The following HEPHL1 variants were observed in gnomAD, a reference collection of about 807,000 sequenced individuals.
HEPHL1 encodes hephaestin like 1.
HEPHL1 carries 123 observed loss-of-function variants against 122.0 expected under a neutral mutation model. The observed-to-expected ratio is 1.01, with a 90% confidence interval of 0.87 to 1.17. The LOEUF (loss-of-function observed/expected upper bound fraction) is 1.17. Ranked by LOEUF, HEPHL1 falls within the 50% of genes most tolerant of loss-of-function variation. HEPHL1 has a pLI of 0.00. For missense variants in HEPHL1, 1,452 were observed against 1,430.5 expected (o/e 1.01, Z -0.24); for synonymous variants, 527 against 508.9 (o/e 1.04, Z -0.48).
intron 1 of HEPHL1, among the ~76,000 whole-genome samples, chr11:94,031,252 C>T (rs1473308953): frequency 6.6e-6 from 1 of 151,998 alleles, no homozygotes. Context: ...TGGCTTCAGT[C>T]TCATAGTCTG....
At position 94,088,783 on chromosome 11, in the gene HEPHL1, G is replaced by T. The variant is rs200886564; in HGVS notation, c.2109G>T (p.Met703Ile). 1.5e-4 allele frequency: 239 copies of T among 1,613,828 alleles called. 1 individual carries two copies. The African/African-American group carries it at 2.7e-3, about 18-fold the overall frequency. Residue 703 changes from methionine (M) to isoleucine (I), a missense_variant, in exon 12 of 20, where the codon ATG becomes ATT. By Grantham distance (10) the Met-to-Ile change is conservative. Coordinates refer to ENST00000315765, the MANE Select transcript of HEPHL1 (RefSeq NM_001098672.2). ...TTTTTAGGGTGTTTTGTGCCACCAT[G>T]CCCCACCTCTCGAGAGGCATGGGTC... ...AGIFRVFCAT[M>I]PHLSRGMGQI... is the part of the protein sequence containing the mutation.
At chr11:94,094,464 T>A (rs554150230) in intron 13 of HEPHL1, among the ~76,000 whole-genome samples, 63 of 152,324 alleles carry the variant, frequency 4.1e-4, no homozygotes, top group African/African-American at 1.5e-3. Context: ...AACATACATG[T>A]GCATGTGTCT....
intron 9 of HEPHL1, among the ~76,000 whole-genome samples, chr11:94,080,050 A>G (rs1311103415): frequency 6.6e-6 from 1 of 152,344 alleles, no homozygotes. Flanking sequence ...AAACTATACA[A>G]CAAGGCTACA....
At chr11:94,045,157 C>T (rs1038421503) in intron 1 of HEPHL1, among the ~76,000 whole-genome samples, 2 of 152,218 alleles carry the variant, frequency 1.3e-5, no homozygotes, top group Non-Finnish European at 2.9e-5. Context: ...ATCTGCCTGC[C>T]TTGGCCTCCC....
chr11:94,026,401 CACTA>C (rs1175798655), intron 1 of HEPHL1, among the ~76,000 whole-genome samples: 1 of 152,158 alleles, frequency 6.6e-6, no homozygotes, highest in Non-Finnish European at 1.5e-5. Context: ...TTACCTCTGA[CACTA>C]AGAAAGAAGG....
Position 94,075,378 on chromosome 11 carries a change from G to A in HEPHL1, c.1709G>A (p.Gly570Glu). The A allele has an allele frequency of 6.2e-7, 1 of 1,611,732 alleles. No individual in the cohort carries two copies. Among genetic ancestry groups the A allele is most frequent in the Non-Finnish European group, 8.5e-7 (1 of 1,178,948 alleles). Residue 570 changes from glycine to glutamate, a missense_variant, in exon 9 of 20, where the codon GGG (glycine) becomes GAG (glutamate). Gly to Glu is a moderately conservative substitution (Grantham distance 98). Transcript: ENST00000315765. ...VCKKGVLNAD[G>E]TQKGIDKEFY... ...AAAAAGGGCGTCCTCAATGCTGATG[G>A]GACACAGGTAGGCCATTGAGTGTCA...
chr11:94,093,921 T>C (rs574322499), intron 13 of HEPHL1, among the ~76,000 whole-genome samples: 4 of 143,616 alleles, frequency 2.8e-5, no homozygotes, highest in African/African-American at 1.0e-4. Flanking sequence ...CTAAAGCTTC[T>C]TTCCAACCCC....
rs1309052144 is a variant in HEPHL1 at position 94,082,541 on chromosome 11, G to A, written c.1840G>A (p.Glu614Lys). 4 of 1,611,874 alleles carry A rather than the reference G, an allele frequency of 2.5e-6. No homozygotes were observed. The highest frequency in any genetic ancestry group is 3.4e-6 in the Non-Finnish European group (4 of 1,179,356). Residue 614 changes from glutamate (E) to lysine (K), a missense_variant, in exon 10 of 20, where the codon GAG (glutamate) becomes AAG (lysine). Transcript: ENST00000315765. ...CTTCAGCATTGACAAAGAAGATAAA[G>A]AGTTTGTGAAATCCAACCGAATGCA... is the stretch of plus-strand genomic sequence containing the variant. ...HPFSIDKEDK[E>K]FVKSNRMHAV...
intron 17 of HEPHL1, among the ~76,000 whole-genome samples, chr11:94,108,816 A>C (rs150458918): frequency 8.5e-5 from 13 of 152,256 alleles, no homozygotes; most frequent in African/African-American, 2.9e-4. Context: ...AGTAAGTCTC[A>C]AAATCAGATG....
In HEPHL1 at chr11:94,088,754, G is replaced by T; in HGVS notation, c.2081-1G>T. The T allele has an allele frequency of 6.2e-7, 1 of 1,611,680 alleles. No homozygotes were observed. The highest frequency in any genetic ancestry group is 8.5e-7 in the Non-Finnish European group (1 of 1,178,498). ...TCAATGCCGAGCCATTTCTCTTGCA[G>T]GTATTTTTAGGGTGTTTTGTGCCAC... On this transcript the variant is annotated splice_acceptor_variant, in intron 11 of 19. Transcript: ENST00000315765. LOFTEE classifies it high-confidence loss of function.
intron 2 of HEPHL1, among the ~76,000 whole-genome samples, chr11:94,059,380 C>A (rs1448714402): frequency 1.3e-5 from 2 of 152,018 alleles, no homozygotes; most frequent in Non-Finnish European, 2.9e-5. Flanking sequence ...AATAAAATTG[C>A]TGGTTGTATA....
chr11:94,067,466 T>A, intron 4 of HEPHL1, 30 bp from the exon 5 acceptor site: 3 of 1,604,916 alleles, frequency 1.9e-6, no homozygotes, highest in Non-Finnish European at 2.6e-6. Context: ...TGCAGGGGAG[T>A]CTCTTCCACT....
At chr11:94,097,613 G>C (rs910298125) in intron 13 of HEPHL1, among the ~76,000 whole-genome samples, 1 of 152,076 alleles carries the variant, frequency 6.6e-6, no homozygotes, top group Non-Finnish European at 1.5e-5. Flanking sequence ...TGTTGACAGT[G>C]GGGTGTTAAA....
At chr11:94,089,320 G>A (rs934986970) in intron 12 of HEPHL1, among the ~76,000 whole-genome samples, 12 of 152,212 alleles carry the variant, frequency 7.9e-5, no homozygotes, top group African/African-American at 2.7e-4. Flanking sequence ...GTATGATGTG[G>A]GGTGAGAGGA....
chr11:94,061,483 G>C (rs1945984801), intron 2 of HEPHL1, among the ~76,000 whole-genome samples: 1 of 152,170 alleles, frequency 6.6e-6, no homozygotes, highest in Non-Finnish European at 1.5e-5. Context: ...ATGATGTGAT[G>C]TCCTATGAGT....
chr11:94,027,363 A>G (rs566696261), intron 1 of HEPHL1, among the ~76,000 whole-genome samples: 1 of 152,162 alleles, frequency 6.6e-6, no homozygotes, highest in Non-Finnish European at 1.5e-5. Flanking sequence ...GGATCTGCAC[A>G]TACTCAGACA....
intron 5 of HEPHL1, among the ~76,000 whole-genome samples, chr11:94,068,654 T>C (rs1040222852): frequency 6.6e-6 from 1 of 152,148 alleles, no homozygotes; most frequent in Non-Finnish European, 1.5e-5. Context: ...GGCACACTAG[T>C]GACATAATCG....
chr11:94,064,747 G>C (rs1271188238), intron 4 of HEPHL1, among the ~76,000 whole-genome samples: 1 of 152,182 alleles, frequency 6.6e-6, no homozygotes, highest in Non-Finnish European at 1.5e-5. Context: ...AAGCCACAGG[G>C]CTTTGGGAAA....
chr11:94,082,878 C>T (rs1036074310), intron 10 of HEPHL1, among the ~76,000 whole-genome samples: 3 of 152,056 alleles, frequency 2.0e-5, no homozygotes, highest in South Asian at 2.1e-4. Context: ...GGGCAGATCA[C>T]GAGGTCAGGA....
Sources: allele counts gnomAD v4.1 joint callset (sites outside exome capture counted in the v4.1 genomes callset), GRCh38; gene constraint gnomAD v4.1.1; transcripts MANE v1.5; gene names NCBI Gene and HGNC (gene_info 2026-07-23, HGNC 2026-07-21).